The following SUGCT variants were observed in gnomAD, a reference collection of about 807,000 sequenced individuals.
The protein encoded by SUGCT is succinyl-CoA:glutarate CoA-transferase.
SUGCT carries 41 observed loss-of-function variants against 55.0 expected under a neutral mutation model. That is an observed-to-expected ratio of 0.74 (90% CI 0.58 to 0.97). The LOEUF (loss-of-function observed/expected upper bound fraction) is 0.97. Among genes scored for constraint, SUGCT ranks in the 50% least tolerant of loss-of-function variants. SUGCT has a pLI of 0.00. For missense variants in SUGCT, 568 were observed against 547.8 expected (o/e 1.04, Z -0.37); for synonymous variants, 187 against 200.4 (o/e 0.93, Z 0.56).
chr7:40,917,697 C>A, the SUGCT span, among the ~76,000 whole-genome samples: 2 of 152,156 alleles, frequency 1.3e-5, no homozygotes, highest in Non-Finnish European at 2.9e-5. Flanking sequence ...ACTGAGACAT[C>A]CAAGAACAAG....
chr7:40,422,493 G>A (rs1481481818), intron 9 of SUGCT, among the ~76,000 whole-genome samples: 1 of 151,866 alleles, frequency 6.6e-6, no homozygotes, highest in Admixed American at 6.6e-5. Context: ...CTTTTGTCTG[G>A]CATTGTATAT....
the SUGCT span, among the ~76,000 whole-genome samples, chr7:40,994,279 A>G: frequency 6.6e-6 from 1 of 152,216 alleles, no homozygotes; most frequent in East Asian, 1.9e-4. Context: ...ACATCCGAGC[A>G]AAAGGATGGA....
At chr7:40,248,961 C>T (rs1432477704) in intron 7 of SUGCT, among the ~76,000 whole-genome samples, 2 of 151,630 alleles carry the variant, frequency 1.3e-5, no homozygotes, top group Non-Finnish European at 2.9e-5. Flanking sequence ...CTCACTCTCT[C>T]TTAAAAATTC....
chr7:40,170,326 AG>A (rs1784611278), intron 1 of SUGCT, among the ~76,000 whole-genome samples: 1 of 152,202 alleles, frequency 6.6e-6, no homozygotes, highest in South Asian at 2.1e-4. Context: ...GTCAGATCAA[AG>A]GATTGTCCTA....
At chr7:40,918,630 A>G in the SUGCT span, among the ~76,000 whole-genome samples, 8 of 152,230 alleles carry the variant, frequency 5.3e-5, no homozygotes, top group African/African-American at 1.9e-4. Flanking sequence ...TTGAAATGCA[A>G]TGGAACCCAC....
intron 12 of SUGCT, among the ~76,000 whole-genome samples, chr7:40,738,831 A>C (rs1156497644): frequency 6.6e-6 from 1 of 152,208 alleles, no homozygotes; most frequent in Non-Finnish European, 1.5e-5. Context: ...TAGATTCTAT[A>C]ACTTGATAAA....
intron 9 of SUGCT, among the ~76,000 whole-genome samples, chr7:40,343,368 A>G (rs1797150970): frequency 6.6e-6 from 1 of 152,200 alleles, no homozygotes; most frequent in South Asian, 2.1e-4. Context: ...GGCCAAGTTT[A>G]TAGAACAAAT....
chr7:40,595,395 A>C (rs1190272261), intron 12 of SUGCT, among the ~76,000 whole-genome samples: 1 of 152,200 alleles, frequency 6.6e-6, no homozygotes, highest in Non-Finnish European at 1.5e-5. Context: ...TGCCGTGAGC[A>C]GAGAAGAGAG....
At chr7:40,566,008 C>T (rs1335118210) in intron 12 of SUGCT, among the ~76,000 whole-genome samples, 1 of 149,154 alleles carries the variant, frequency 6.7e-6, no homozygotes, top group Non-Finnish European at 1.5e-5. Flanking sequence ...CACACACACA[C>T]ACACACACAC....
the SUGCT span, among the ~76,000 whole-genome samples, chr7:41,034,945 G>A: frequency 3.3e-5 from 5 of 152,286 alleles, no homozygotes; most frequent in African/African-American, 7.2e-5. Flanking sequence ...CTTCCAGACC[G>A]TCTCAGCATG....
intron 11 of SUGCT, among the ~76,000 whole-genome samples, chr7:40,480,964 T>G (rs1790999029): frequency 6.6e-6 from 1 of 152,140 alleles, no homozygotes; most frequent in Non-Finnish European, 1.5e-5. Flanking sequence ...ATATACTTCA[T>G]GTAGACACAT....
chr7:40,968,381 A>T, the SUGCT span, among the ~76,000 whole-genome samples: 1 of 152,214 alleles, frequency 6.6e-6, no homozygotes, highest in African/African-American at 2.4e-5. Flanking sequence ...TGCTTCCAGC[A>T]CAGCCTCATT....
intron 12 of SUGCT, among the ~76,000 whole-genome samples, chr7:40,580,205 A>T (rs1797005200): frequency 6.6e-6 from 1 of 152,220 alleles, no homozygotes; most frequent in Non-Finnish European, 1.5e-5. Flanking sequence ...AATACACAGA[A>T]TATGCACATA....
At chr7:40,635,301 C>CA (rs958167863) in intron 12 of SUGCT, among the ~76,000 whole-genome samples, 15 of 149,954 alleles carry the variant, frequency 1.0e-4, no homozygotes, top group Non-Finnish European at 1.9e-4. Flanking sequence ...AAGAAAAAAA[C>CA]AAAAAACAAA....
intron 12 of SUGCT, among the ~76,000 whole-genome samples, chr7:40,637,646 A>G (rs536202601): frequency 9.2e-5 from 14 of 152,362 alleles, no homozygotes; most frequent in Non-Finnish European, 1.5e-4. Context: ...GGAACACCAC[A>G]GCTTAGTCTC....
intron 12 of SUGCT, among the ~76,000 whole-genome samples, chr7:40,691,951 A>G (rs1318292108): frequency 6.6e-6 from 1 of 152,198 alleles, no homozygotes; most frequent in Non-Finnish European, 1.5e-5. Flanking sequence ...ATTCTTATTG[A>G]AATGATCTAT....
chr7:40,628,211 T>C (rs932172334), intron 12 of SUGCT, among the ~76,000 whole-genome samples: 3 of 152,230 alleles, frequency 2.0e-5, no homozygotes, highest in African/African-American at 7.2e-5. Context: ...ACCTAAACTT[T>C]CCACTGGGGT....
chr7:40,854,419 CCTTTCTTTCTTTCTTTCTTT>C (rs70990650), intron 13 of SUGCT, among the ~76,000 whole-genome samples: 9 of 88,804 alleles, frequency 1.0e-4, no homozygotes, highest in South Asian at 8.4e-4. Context: ...TTCTTTCTTT[CCTTTCTTTCTTTCTTTCTTT>C]CTTTCTTTCT....
intron 13 of SUGCT, among the ~76,000 whole-genome samples, chr7:40,840,347 A>G (rs1227615896): frequency 1.3e-5 from 2 of 152,118 alleles, no homozygotes; most frequent in Non-Finnish European, 2.9e-5. Flanking sequence ...CTGCAGGGTG[A>G]CCACCACAAA....
Sources: allele counts gnomAD v4.1 joint callset (sites outside exome capture counted in the v4.1 genomes callset), GRCh38; gene constraint gnomAD v4.1.1; transcripts MANE v1.5; gene names NCBI Gene and HGNC (gene_info 2026-07-23, HGNC 2026-07-21).